The following CRADD variants were observed in gnomAD, a reference collection of about 807,000 sequenced individuals.
The protein encoded by CRADD is death domain-containing protein CRADD.
CRADD carries 9 observed loss-of-function variants against 15.5 expected under a neutral mutation model. That is an observed-to-expected ratio of 0.58 (90% CI 0.35 to 1.01). CRADD has a LOEUF of 1.01. Among genes scored for constraint, CRADD ranks in the 50% least tolerant of loss-of-function variants. The pLI is 0.02. For missense variants in CRADD, 227 were observed against 250.3 expected (o/e 0.91, Z 0.63); for synonymous variants, 118 against 107.6 (o/e 1.10, Z -0.60).
At chr12:93,741,914 ACCCTT>A (rs1182241233) in intron 2 of CRADD, among the ~76,000 whole-genome samples, 9 of 151,976 alleles carry the variant, frequency 5.9e-5, no homozygotes, top group Non-Finnish European at 8.8e-5. Flanking sequence ...CGGCTTCTGA[ACCCTT>A]AGTGCTCATT....
intron 2 of CRADD, among the ~76,000 whole-genome samples, chr12:93,795,116 T>C (rs1386992328): frequency 6.6e-6 from 1 of 152,210 alleles, no homozygotes; most frequent in Non-Finnish European, 1.5e-5. Context: ...ACCTATAAAG[T>C]CCAGAAGAGC....
chr12:93,811,634 G>C (rs1305177747), intron 2 of CRADD, among the ~76,000 whole-genome samples: 3 of 152,208 alleles, frequency 2.0e-5, no homozygotes, highest in African/African-American at 7.2e-5. Context: ...GTTCATCTGA[G>C]TAACAGGTGG....
At chr12:93,778,256 C>G (rs1957161477) in intron 2 of CRADD, among the ~76,000 whole-genome samples, 1 of 152,168 alleles carries the variant, frequency 6.6e-6, no homozygotes, top group African/African-American at 2.4e-5. Flanking sequence ...ACTTTTAAAC[C>G]TTTCCAAGAA....
At chr12:93,890,537 A>C (rs970820708) in intron 2 of CRADD, among the ~76,000 whole-genome samples, 23 of 152,046 alleles carry the variant, frequency 1.5e-4, no homozygotes, top group African/African-American at 4.8e-4. Flanking sequence ...TGCAGGAAGG[A>C]GGTTAGATCT....
chr12:93,740,224 A>G (rs1208988623), intron 2 of CRADD, among the ~76,000 whole-genome samples: 4 of 152,202 alleles, frequency 2.6e-5, no homozygotes, highest in Non-Finnish European at 4.4e-5. Context: ...ATCTGCCAAA[A>G]CAGACCAGTT....
At chr12:93,753,223 C>A (rs909214749) in intron 2 of CRADD, among the ~76,000 whole-genome samples, 6 of 152,102 alleles carry the variant, frequency 3.9e-5, no homozygotes, top group African/African-American at 1.4e-4. Context: ...CTTATTCACA[C>A]TATCAAGAGA....
chr12:93,824,536 G>T lies in CRADD; in HGVS notation c.299-25434G>T, dbSNP rs1487992820. Among the ~76,000 whole-genome samples, 1 of 151,964 alleles carries T rather than the reference G, an allele frequency of 6.6e-6. No homozygotes were observed. The highest frequency in any genetic ancestry group is 1.5e-5 in the Non-Finnish European group (1 of 67,956). On this transcript the variant is annotated intron_variant, in intron 2 of 2. Coordinates refer to ENST00000332896, the MANE Select transcript of CRADD (RefSeq NM_003805.5). The surrounding 1 kb of genome is among the most constrained non-coding windows in gnomAD (Gnocchi z 4.3). ...AAAGAAGTACCTTGCTGCTGGAAAA[G>T]AAGTCAAAAAATTGCTTTGAAGAGT...
rs1955350241 is a variant in CRADD, at chr12:93,682,904, AGGAATTCTG to A, written c.298+3834_298+3842del. Reference sequence around the variant, plus strand: ...TGTAAGGACTCTTACCTTTTAAAAGAGGAATTCTGGTGATAAAATGACTTAATCCACCTT... The same window carrying A: ...TGTAAGGACTCTTACCTTTTAAAAGAGTGATAAAATGACTTAATCCACCTT... On this transcript the variant is annotated intron_variant, in intron 2 of 2. Coordinates refer to ENST00000332896, the MANE Select transcript of CRADD (RefSeq NM_003805.5). 1.3e-5 allele frequency among the ~76,000 whole-genome samples: 2 copies of A among 152,096 alleles called. 1 individual carries two copies. The highest frequency in any genetic ancestry group is 6.3e-3 in the Middle Eastern group (2 of 316).
chr12:93,794,111 T>G (rs1957384000), intron 2 of CRADD, among the ~76,000 whole-genome samples: 1 of 152,196 alleles, frequency 6.6e-6, no homozygotes. Context: ...TGGAGCATTT[T>G]CTTTTATTGG....
chr12:93,847,199 G>T (rs1426094167), intron 2 of CRADD, among the ~76,000 whole-genome samples: 1 of 152,046 alleles, frequency 6.6e-6, no homozygotes, highest in Admixed American at 6.6e-5. Flanking sequence ...ACCTCAGACA[G>T]GAAAAGCAAG....
intron 2 of CRADD, among the ~76,000 whole-genome samples, chr12:93,751,141 A>C (rs1326932655): frequency 6.6e-6 from 1 of 152,230 alleles, no homozygotes; most frequent in Non-Finnish European, 1.5e-5. Flanking sequence ...TTATGAACAT[A>C]ATTATAGAAA....
intron 2 of CRADD, among the ~76,000 whole-genome samples, chr12:93,821,702 A>G (rs1957771075): frequency 6.6e-6 from 1 of 152,224 alleles, no homozygotes; most frequent in African/African-American, 2.4e-5. Flanking sequence ...GAGAGGATTG[A>G]CAATGACAGG....
At chr12:93,683,749 A>G (rs1955371025) in intron 2 of CRADD, among the ~76,000 whole-genome samples, 1 of 152,238 alleles carries the variant, frequency 6.6e-6, no homozygotes, top group African/African-American at 2.4e-5. Context: ...GGATGCATCT[A>G]AAGTCACTGA....
chr12:93,855,220 C>T (rs1313106204), downstream of CRADD, among the ~76,000 whole-genome samples: 1 of 152,076 alleles, frequency 6.6e-6, no homozygotes, highest in Non-Finnish European at 1.5e-5. Flanking sequence ...CCGTGGCCCA[C>T]TGTGAAAGTT....
intron 2 of CRADD, among the ~76,000 whole-genome samples, chr12:93,891,462 G>C (rs987575635): frequency 1.3e-5 from 2 of 152,182 alleles, no homozygotes; most frequent in Admixed American, 1.3e-4. Context: ...ACTCCAGCCT[G>C]GGTGACAGAG....
chr12:93,800,142 AGTT>A, intron 2 of CRADD, among the ~76,000 whole-genome samples: 1 of 152,284 alleles, frequency 6.6e-6, no homozygotes, highest in Middle Eastern at 3.4e-3. Context: ...GAGGCTGAGA[AGTT>A]GTGTACAAGA....
intron 2 of CRADD, among the ~76,000 whole-genome samples, chr12:93,734,680 C>T (rs1385803868): frequency 2.6e-5 from 4 of 152,204 alleles, no homozygotes; most frequent in African/African-American, 4.8e-5. Context: ...CCAGCTCTGT[C>T]TCCGGACCCC....
intron 2 of CRADD, among the ~76,000 whole-genome samples, chr12:93,774,561 G>A (rs1391902173): frequency 6.6e-6 from 1 of 152,184 alleles, no homozygotes; most frequent in Non-Finnish European, 1.5e-5. Flanking sequence ...GGGTTAGGAG[G>A]TGGGAGGGGG....
chr12:93,710,865 A>G (rs1956053491), intron 2 of CRADD, among the ~76,000 whole-genome samples: 1 of 152,040 alleles, frequency 6.6e-6, no homozygotes, highest in South Asian at 2.1e-4. Context: ...ATTTGTTAGC[A>G]TTATCTTTTC....
Sources: gnomAD v4.1 joint callset for allele counts (sites outside exome capture counted in the v4.1 genomes callset) on GRCh38, gnomAD v4.1.1 for gene constraint, Gnocchi (gnomAD v3.1) non-coding constraint, MANE v1.5 for transcripts, NCBI Gene and HGNC (gene_info 2026-07-23, HGNC 2026-07-21) for gene names.